The following TPRG1 variants were observed in gnomAD, a reference collection of about 807,000 sequenced individuals.
TPRG1 encodes tumor protein p63-regulated gene 1 protein.
In TPRG1, 29 loss-of-function variants were observed where a neutral mutation model predicts 29.3. The observed-to-expected ratio is 0.99, with a 90% confidence interval of 0.74 to 1.35. The LOEUF is 1.35. Among genes scored for constraint, TPRG1 ranks in the 40% most tolerant of loss-of-function variants. TPRG1 has a pLI of 0.00. For missense variants in TPRG1, 327 were observed against 335.0 expected (o/e 0.98, Z 0.19); for synonymous variants, 130 against 116.8 (o/e 1.11, Z -0.73).
intron 4 of TPRG1, among the ~76,000 whole-genome samples, chr3:189,071,468 C>T (rs1433582946): frequency 6.6e-6 from 1 of 152,110 alleles, no homozygotes; most frequent in Non-Finnish European, 1.5e-5. Flanking sequence ...CACACAGACA[C>T]AGAGGTGTCC....
intron 4 of TPRG1, among the ~76,000 whole-genome samples, chr3:189,089,965 G>A (rs907579744): frequency 1.3e-5 from 2 of 151,624 alleles, no homozygotes; most frequent in Non-Finnish European, 2.9e-5. Flanking sequence ...AGCAGCTATT[G>A]GGGTAATTGA....
intron 4 of TPRG1, among the ~76,000 whole-genome samples, chr3:189,294,570 A>T (rs1000056188): frequency 2.6e-5 from 4 of 152,176 alleles, no homozygotes; most frequent in African/African-American, 9.7e-5. Context: ...TGTCCCCTTT[A>T]GAGAGGTGGT....
At chr3:189,109,391 C>A (rs7619993) in intron 1 of TPRG1, among the ~76,000 whole-genome samples, 1 of 152,140 alleles carries the variant, frequency 6.6e-6, no homozygotes, top group Non-Finnish European at 1.5e-5. Context: ...TGTAATCGCT[C>A]ATATGTCCTG....
At chr3:189,312,775 T>C (rs1722913655) in intron 5 of TPRG1, among the ~76,000 whole-genome samples, 1 of 152,216 alleles carries the variant, frequency 6.6e-6, no homozygotes, top group African/African-American at 2.4e-5. Flanking sequence ...TATGGAATAT[T>C]ATTTTCCAAA....
chr3:189,212,235 T>C (rs1735379914), intron 2 of TPRG1: 1 of 152,202 alleles, frequency 6.6e-6, no homozygotes, highest in Non-Finnish European at 1.5e-5. Context: ...TCTTTTAATA[T>C]TTAATTAATG....
At chr3:189,078,113 C>CTTTCT (rs1717339141) in intron 4 of TPRG1, among the ~76,000 whole-genome samples, 1 of 133,280 alleles carries the variant, frequency 7.5e-6, no homozygotes, top group African/African-American at 2.8e-5. Flanking sequence ...TTCTTTCTTT[C>CTTTCT]TTTCTTTCTT....
In TPRG1 at chr3:189,215,512, C is replaced by A. The variant is rs538292659; in HGVS notation, c.302+129C>A. ...CTACATAAGATAAATGATTGAATTA[C>A]CAGGTTAGTCACATTTTCCAGCATT... On this transcript the variant is annotated intron_variant, in intron 3 of 5. Transcript: ENST00000345063. 19 of 801,934 alleles carry A rather than the reference C, an allele frequency of 2.4e-5. No individual in the cohort carries two copies. The South Asian group carries it at 2.9e-4, about 12-fold the overall frequency. 49.7% of individuals were successfully genotyped at this position (801,934 alleles called of 1,614,324 possible). A position where few individuals can be genotyped will look rare whatever the true frequency, so the allele number is the denominator to read the frequency against.
At chr3:189,090,453 C>A (rs1463583602) in intron 4 of TPRG1, among the ~76,000 whole-genome samples, 1 of 151,918 alleles carries the variant, frequency 6.6e-6, no homozygotes, top group Non-Finnish European at 1.5e-5. Flanking sequence ...TTATTCAGAT[C>A]TGTATTTGCT....
At chr3:189,303,754 C>T (rs1233681173) in intron 4 of TPRG1, among the ~76,000 whole-genome samples, 1 of 152,186 alleles carries the variant, frequency 6.6e-6, no homozygotes, top group East Asian at 1.9e-4. Context: ...CACAAACACA[C>T]ATATATTCCA....
intron 3 of TPRG1, among the ~76,000 whole-genome samples, chr3:189,224,868 T>C (rs1218754043): frequency 6.6e-6 from 1 of 152,016 alleles, no homozygotes; most frequent in East Asian, 1.9e-4. Context: ...CAGTGTGCAA[T>C]GGTGCATGGG....
intron 4 of TPRG1, among the ~76,000 whole-genome samples, chr3:189,088,402 C>T (rs538600013): frequency 6.6e-6 from 1 of 152,262 alleles, no homozygotes; most frequent in African/African-American, 2.4e-5. Context: ...AGATTTGGGG[C>T]TGAGACGATG....
intron 4 of TPRG1, among the ~76,000 whole-genome samples, chr3:189,308,204 A>G: frequency 6.6e-6 from 1 of 152,126 alleles, no homozygotes; most frequent in East Asian, 1.9e-4. Flanking sequence ...ATTCAGATTC[A>G]GAAAGAGAAA....
At chr3:189,074,108 A>G (rs985599212) in intron 4 of TPRG1, among the ~76,000 whole-genome samples, 1 of 151,880 alleles carries the variant, frequency 6.6e-6, no homozygotes, top group African/African-American at 2.4e-5. Context: ...AGATTCATCA[A>G]GATGGGCTGC....
chr3:189,007,915 G>A (rs1712382021), intron 3 of TPRG1, among the ~76,000 whole-genome samples: 1 of 107,058 alleles, frequency 9.3e-6, no homozygotes, highest in African/African-American at 3.7e-5. Context: ...GGGGAGGGGG[G>A]AGGGATAGCA....
intron 4 of TPRG1, among the ~76,000 whole-genome samples, chr3:189,064,499 C>A (rs7628196): frequency 2.6e-5 from 4 of 151,446 alleles, no homozygotes; most frequent in Non-Finnish European, 2.9e-5. Flanking sequence ...AAAATACATC[C>A]GAAGCAAGCA....
intron 5 of TPRG1, among the ~76,000 whole-genome samples, chr3:189,152,708 A>T (rs28549714): frequency 2.2e-5 from 3 of 133,562 alleles, no homozygotes; most frequent in African/African-American, 8.3e-5. Context: ...ATTGCTACCC[A>T]ACATTATTAT....
At chr3:189,175,466 G>T (rs1421121137) in intron 1 of TPRG1, among the ~76,000 whole-genome samples, 2 of 152,220 alleles carry the variant, frequency 1.3e-5, no homozygotes, top group Admixed American at 1.3e-4. Flanking sequence ...CAGGCTCAGG[G>T]TTTCAGATCA....
chr3:189,021,769 A>G (rs1713326486), intron 3 of TPRG1, among the ~76,000 whole-genome samples: 1 of 151,946 alleles, frequency 6.6e-6, no homozygotes, highest in African/African-American at 2.4e-5. Flanking sequence ...CTGAATTTGA[A>G]CGTTGGCCTG....
chr3:189,076,036 T>C (rs1409717860), intron 4 of TPRG1, among the ~76,000 whole-genome samples: 3 of 152,092 alleles, frequency 2.0e-5, no homozygotes, highest in Non-Finnish European at 4.4e-5. Context: ...AATTTTCAGG[T>C]GAGGATATTA....
Sources: gnomAD v4.1 joint callset for allele counts (sites outside exome capture counted in the v4.1 genomes callset) on GRCh38, gnomAD v4.1.1 for gene constraint, MANE v1.5 for transcripts, NCBI Gene and HGNC (gene_info 2026-07-23, HGNC 2026-07-21) for gene names.